GRIK3: variants seen among roughly 807,000 people sequenced by gnomAD.
The protein encoded by GRIK3 is glutamate receptor ionotropic, kainate 3.
Under a neutral mutation model 102.5 loss-of-function variants are expected in GRIK3, and 29 were observed. That is an observed-to-expected ratio of 0.28 (90% CI 0.21 to 0.39). The LOEUF is 0.39. Ranked by LOEUF, GRIK3 falls within the 10% of genes least tolerant of loss-of-function variation. GRIK3 has a pLI of 1.00. For missense variants in GRIK3, 908 were observed against 1,252.4 expected, an observed-to-expected ratio of 0.73 and a Z score of 4.15; for synonymous variants, 511 against 504.9, an observed-to-expected ratio of 1.01 and a Z score of -0.16.
chr1:36,815,426 A>C (rs1179209579), intron 13 of GRIK3, among the ~76,000 whole-genome samples: 3 of 152,180 alleles, frequency 2.0e-5, no homozygotes, highest in Non-Finnish European at 4.4e-5. Flanking sequence ...GGCTCCATCT[A>C]TCATTTGGAG....
chr1:36,927,530 G>A (rs1010587932), intron 1 of GRIK3, among the ~76,000 whole-genome samples: 2 of 152,074 alleles, frequency 1.3e-5, no homozygotes, highest in African/African-American at 4.8e-5. Flanking sequence ...AGTGAATTTC[G>A]TTCAGGTGTT....
chr1:36,936,075 G>C (rs1641654403), intron 1 of GRIK3, among the ~76,000 whole-genome samples: 1 of 152,188 alleles, frequency 6.6e-6, no homozygotes, highest in Non-Finnish European at 1.5e-5. Flanking sequence ...TGGCCACAGG[G>C]GGAGATAAAT....
chr1:36,938,904 C>T (rs576316567), intron 1 of GRIK3, among the ~76,000 whole-genome samples: 2 of 152,234 alleles, frequency 1.3e-5, no homozygotes, highest in South Asian at 2.1e-4. Flanking sequence ...ATGATTCTGG[C>T]CTCGTGGGGA....
intron 1 of GRIK3, among the ~76,000 whole-genome samples, chr1:36,893,903 A>G (rs910316502): frequency 2.4e-4 from 36 of 152,338 alleles, no homozygotes. Flanking sequence ...TAGAAGAGGA[A>G]GAAGAAGAGG....
intron 1 of GRIK3, among the ~76,000 whole-genome samples, chr1:36,936,351 G>A (rs574944828): frequency 5.8e-4 from 88 of 152,270 alleles, no homozygotes; most frequent in African/African-American, 2.0e-3. Flanking sequence ...AAGATGGCAC[G>A]GTTTTCCAAA....
intron 1 of GRIK3, among the ~76,000 whole-genome samples, chr1:37,025,518 C>T (rs1475926504): frequency 6.6e-6 from 1 of 152,194 alleles, no homozygotes; most frequent in Non-Finnish European, 1.5e-5. Flanking sequence ...GATTCTTCAC[C>T]ATAGACAGGA....
chr1:36,943,450 C>T (rs1376445230), intron 1 of GRIK3, among the ~76,000 whole-genome samples: 1 of 152,118 alleles, frequency 6.6e-6, no homozygotes, highest in Non-Finnish European at 1.5e-5. Context: ...TCCATTTCCA[C>T]CTCTACACAA....
intron 10 of GRIK3, among the ~76,000 whole-genome samples, chr1:36,831,298 C>G (rs1196224562): frequency 3.3e-5 from 5 of 152,224 alleles, no homozygotes; most frequent in Non-Finnish European, 7.3e-5. Flanking sequence ...CGTTGCCTGG[C>G]TTGGGAGCCC....
intron 1 of GRIK3, 152 bp downstream of exon 1, chr1:37,033,842 T>C: frequency 2.0e-6 from 1 of 508,190 alleles, no homozygotes; most frequent in South Asian, 2.5e-5. Flanking sequence ...CTCTGGAACT[T>C]TGTCCTCACA....
At chr1:37,012,016 G>A (rs1218202485) in intron 1 of GRIK3, among the ~76,000 whole-genome samples, 4 of 152,188 alleles carry the variant, frequency 2.6e-5, no homozygotes, top group African/African-American at 4.8e-5. Flanking sequence ...TGGCCCCAGA[G>A]ATCTCCAAGT....
intron 1 of GRIK3, among the ~76,000 whole-genome samples, chr1:36,945,616 C>G (rs981384194): frequency 6.6e-6 from 1 of 152,200 alleles, no homozygotes; most frequent in African/African-American, 2.4e-5. Context: ...GAGGCACAAT[C>G]TGAGCCTCCT....
At chr1:37,024,426 C>T (rs976932158) in intron 1 of GRIK3, among the ~76,000 whole-genome samples, 1 of 148,468 alleles carries the variant, frequency 6.7e-6, no homozygotes, top group African/African-American at 2.5e-5. Flanking sequence ...CTCACAAAAA[C>T]CCTGTGAGGC....
chr1:36,808,159 C>G lies in GRIK3; in HGVS notation c.2092-1833G>C, dbSNP rs189070916. 8.4e-3 allele frequency among the ~76,000 whole-genome samples: 1,285 copies of G among 152,338 alleles called. 9 individuals are homozygous for G. The highest frequency in any genetic ancestry group is 0.01 in the Non-Finnish European group (691 of 68,036). ...CTGGTGTTCAGCTCTTCTGCCTCCC[C>G]CAATGTTTCTTATTTTCTAGAAAAT... On this transcript the variant is annotated intron_variant, in intron 13 of 15. Coordinates refer to ENST00000373091, the MANE Select transcript of GRIK3 (RefSeq NM_000831.4).
intron 1 of GRIK3, among the ~76,000 whole-genome samples, chr1:37,019,186 C>A (rs894763079): frequency 6.6e-6 from 1 of 152,188 alleles, no homozygotes; most frequent in African/African-American, 2.4e-5. Context: ...ATGCATCCAT[C>A]CATCTAGAAA....
chr1:36,874,053 T>C (rs1640885406), intron 3 of GRIK3, among the ~76,000 whole-genome samples: 1 of 152,182 alleles, frequency 6.6e-6, no homozygotes, highest in Non-Finnish European at 1.5e-5. Flanking sequence ...GGAAACCAAA[T>C]TGCTGCCCCC....
At chr1:36,828,488 G>A (rs1283782618) in intron 10 of GRIK3, among the ~76,000 whole-genome samples, 2 of 152,210 alleles carry the variant, frequency 1.3e-5, no homozygotes, top group Non-Finnish European at 2.9e-5. Context: ...AGAGTAGCAT[G>A]CTGCACAGGT....
At chr1:36,946,586 G>C (rs1354366647) in intron 1 of GRIK3, among the ~76,000 whole-genome samples, 1 of 152,222 alleles carries the variant, frequency 6.6e-6, no homozygotes. Context: ...CTATCTGGGT[G>C]GATAGCCTCA....
At chr1:36,927,241 A>T (rs1875293) in intron 1 of GRIK3, among the ~76,000 whole-genome samples, 151,473 of 152,322 alleles carry the variant, frequency 0.99, 75,324 homozygotes, top group East Asian at 1. Flanking sequence ...TGAGGTTAAA[A>T]TAAAGCCCAC....
intron 5 of GRIK3, among the ~76,000 whole-genome samples, chr1:36,869,296 C>G (rs575003074): frequency 4.9e-4 from 75 of 152,214 alleles, no homozygotes; most frequent in Non-Finnish European, 7.6e-4. Flanking sequence ...CCGTGAGGCC[C>G]GAGATATGCG....
Sources: allele counts gnomAD v4.1 joint callset (sites outside exome capture counted in the v4.1 genomes callset), GRCh38; gene constraint gnomAD v4.1.1; transcripts MANE v1.5; gene names NCBI Gene and HGNC (gene_info 2026-07-23, HGNC 2026-07-21).